ABCC4: variants seen among roughly 807,000 people sequenced by gnomAD.
The protein encoded by ABCC4 is ATP-binding cassette sub-family C member 4.
In ABCC4, 102 loss-of-function variants were observed where a neutral mutation model predicts 168.5. That is an observed-to-expected ratio of 0.61 (90% CI 0.52 to 0.71). The LOEUF is 0.71. ABCC4 is among the 30% of genes least tolerant of loss of function. The probability of loss-of-function intolerance (pLI) is 0.00; values close to 1 mark genes in which losing one functional copy is unlikely to be tolerated. For missense variants in ABCC4, 1,402 were observed against 1,605.8 expected, an observed-to-expected ratio of 0.87 and a Z score of 2.17; for synonymous variants, 617 against 590.7, an observed-to-expected ratio of 1.04 and a Z score of -0.65.
intron 19 of ABCC4, among the ~76,000 whole-genome samples, chr13:95,130,486 T>C (rs1205306980): frequency 6.6e-6 from 1 of 152,172 alleles, no homozygotes; most frequent in African/African-American, 2.4e-5. Context: ...TAAAATGATT[T>C]TGAGGGGAGA....
At chr13:95,193,229 C>T (rs889604261) in intron 9 of ABCC4, among the ~76,000 whole-genome samples, 2 of 152,332 alleles carry the variant, frequency 1.3e-5, no homozygotes, top group East Asian at 1.9e-4. Context: ...GCTGCTCAAC[C>T]GCCTATTGGC....
intron 19 of ABCC4, among the ~76,000 whole-genome samples, chr13:95,146,051 A>G (rs1292342550): frequency 2.6e-5 from 4 of 152,088 alleles, no homozygotes; most frequent in Non-Finnish European, 5.9e-5. Context: ...ACATCTACTA[A>G]AAATACAAAA....
At chr13:95,033,169 C>T (rs1268835994) in intron 30 of ABCC4, among the ~76,000 whole-genome samples, 1 of 152,022 alleles carries the variant, frequency 6.6e-6, no homozygotes, top group African/African-American at 2.4e-5. Context: ...GGGGTTTCAC[C>T]ATGTTGGCCC....
At chr13:95,073,161 G>A in intron 24 of ABCC4, 43 bp downstream of exon 24, 2 of 1,482,704 alleles carry the variant, frequency 1.3e-6, no homozygotes, top group Non-Finnish European at 9.4e-7. Context: ...CCATTTAATG[G>A]CAAGGAGATT....
rs1299495201 is a variant in ABCC4, at chr13:95,151,655, G to A, written c.2455+9534C>T. 4.6e-5 allele frequency among the ~76,000 whole-genome samples: 7 copies of A among 151,428 alleles called. No homozygotes were observed. The East Asian group carries it at 1.4e-3, about 30-fold the overall frequency. On this transcript the variant is annotated intron_variant, in intron 19 of 30. Coordinates refer to ENST00000645237, the MANE Select transcript of ABCC4 (RefSeq NM_005845.5). Reference sequence around the variant, plus strand: ...AGGAGGAGAAGGAGAAGAAGGAGAAGAAATCATCATCATCATCATCCACTG... The same window carrying A: ...AGGAGGAGAAGGAGAAGAAGGAGAAAAAATCATCATCATCATCATCCACTG...
At chr13:95,044,629 A>G (rs577605744) in intron 27 of ABCC4, among the ~76,000 whole-genome samples, 191 bp from the exon 28 acceptor site, 4 of 152,314 alleles carry the variant, frequency 2.6e-5, no homozygotes, top group Admixed American at 1.3e-4. Context: ...AAACGGAAAT[A>G]TTCTGACTTA....
At chr13:95,106,780 G>T (rs2139388258) in intron 20 of ABCC4, among the ~76,000 whole-genome samples, 1 of 152,240 alleles carries the variant, frequency 6.6e-6, no homozygotes, top group South Asian at 2.1e-4. Flanking sequence ...ATGGCTGTTT[G>T]GGAACAAAAG....
intron 18 of ABCC4, among the ~76,000 whole-genome samples, chr13:95,162,776 A>T (rs1403082827): frequency 6.6e-6 from 1 of 152,184 alleles, no homozygotes; most frequent in Non-Finnish European, 1.5e-5. Context: ...CAGGGTGGAG[A>T]TCCGTTTCTA....
At chr13:95,036,319 C>A (rs553868965) in intron 29 of ABCC4, among the ~76,000 whole-genome samples, 1 of 152,276 alleles carries the variant, frequency 6.6e-6, no homozygotes, top group East Asian at 1.9e-4. Flanking sequence ...AGTGAGTTCT[C>A]TGTAAAGACT....
At chr13:95,156,945 T>C (rs1469720139) in intron 19 of ABCC4, among the ~76,000 whole-genome samples, 4 of 151,860 alleles carry the variant, frequency 2.6e-5, no homozygotes, top group East Asian at 1.9e-4. Flanking sequence ...ATACAAAAAT[T>C]AGCCAGGTGT....
At chr13:95,041,437 A>C (rs1460476997) in intron 29 of ABCC4, among the ~76,000 whole-genome samples, 1 of 152,240 alleles carries the variant, frequency 6.6e-6, no homozygotes, top group Admixed American at 6.5e-5. Context: ...AGAAGTATTC[A>C]CCAATGCAAC....
At chr13:95,023,023 T>A (rs921752716) in intron 30 of ABCC4, among the ~76,000 whole-genome samples, 1 of 152,232 alleles carries the variant, frequency 6.6e-6, no homozygotes, top group Admixed American at 6.5e-5. Context: ...GATAATTTCA[T>A]ATCATCTCCC....
chr13:95,248,991 G>A (rs1203539491), intron 1 of ABCC4, among the ~76,000 whole-genome samples: 1 of 152,156 alleles, frequency 6.6e-6, no homozygotes, highest in East Asian at 1.9e-4. Flanking sequence ...AGTGAGCTGA[G>A]ATCGATGCCA....
intron 3 of ABCC4, among the ~76,000 whole-genome samples, chr13:95,241,234 GCAC>G (rs1566560190): frequency 1.3e-5 from 2 of 150,792 alleles, no homozygotes; most frequent in Admixed American, 6.6e-5. Context: ...GTGTGGTGGC[GCAC>G]ACCTGTAGTC....
chr13:95,069,120 T>C (rs769633976), intron 25 of ABCC4, among the ~76,000 whole-genome samples: 6 of 152,232 alleles, frequency 3.9e-5, no homozygotes, highest in Non-Finnish European at 8.8e-5. Flanking sequence ...GCCCATTAAA[T>C]GGGTCTGTGG....
At chr13:95,271,946 T>C (rs1479050772) in intron 1 of ABCC4, among the ~76,000 whole-genome samples, 1 of 152,124 alleles carries the variant, frequency 6.6e-6, no homozygotes, top group Non-Finnish European at 1.5e-5. Context: ...TCACAAAAAA[T>C]CTAAATTATT....
rs118187224 is a variant in ABCC4, at chr13:95,033,360, G to A, written c.3870+1245C>T. On this transcript the variant is annotated intron_variant, in intron 30 of 30. Transcript: ENST00000645237. ...ATGGGAGCCTCACCATGTACTGCTA[G>A]AAGTCTCCTTCCACCCTAAGCCAAG... 4.9e-4 allele frequency among the ~76,000 whole-genome samples: 75 copies of A among 152,260 alleles called. No individual in the cohort carries two copies. In the East Asian group the frequency reaches 0.014, roughly 28 times the overall value.
At chr13:95,115,705 C>T (rs529742110) in intron 20 of ABCC4, among the ~76,000 whole-genome samples, 55 of 152,254 alleles carry the variant, frequency 3.6e-4, no homozygotes, top group African/African-American at 1.2e-3. Context: ...CTAACCCTGA[C>T]GCGACTGTAT....
chr13:95,175,075 T>C (rs976829468), intron 13 of ABCC4, among the ~76,000 whole-genome samples: 3 of 152,178 alleles, frequency 2.0e-5, no homozygotes, highest in African/African-American at 4.8e-5. Context: ...GCATACGCAC[T>C]CTGGTGGGTA....
Sources: allele counts gnomAD v4.1 joint callset (sites outside exome capture counted in the v4.1 genomes callset), GRCh38; gene constraint gnomAD v4.1.1; transcripts MANE v1.5; gene names NCBI Gene and HGNC (gene_info 2026-07-23, HGNC 2026-07-21).